Variants in ZMYM2 observed in about 807,000 individuals in gnomAD.
ZMYM2 encodes zinc finger MYM-type containing 2, also known as zinc finger MYM-type protein 2.
ZMYM2 carries 56 observed loss-of-function variants against 162.8 expected under a neutral mutation model. The ratio of observed to expected loss-of-function variants is 0.34; its 90% CI spans 0.28 to 0.43. ZMYM2 has a LOEUF of 0.43. ZMYM2 is among the 20% of genes least tolerant of loss of function. ZMYM2 has a pLI of 1.00. For synonymous variants in ZMYM2, 510 were observed against 541.6 expected, an observed-to-expected ratio of 0.94 and a Z score of 0.81; for missense variants, 1,275 against 1,621.8, an observed-to-expected ratio of 0.79 and a Z score of 3.67.
the ZMYM2 span, among the ~76,000 whole-genome samples, chr13:19,934,569 A>T: frequency 6.6e-6 from 1 of 151,954 alleles, no homozygotes. Context: ...ATCCCTTTAA[A>T]ATTTTTATCA....
chr13:19,979,907 G>A (rs1957160432), intron 2 of ZMYM2, among the ~76,000 whole-genome samples: 2 of 152,112 alleles, frequency 1.3e-5, no homozygotes, highest in South Asian at 4.1e-4. Context: ...CTCAATGGTT[G>A]CTTGGGTGGA....
the ZMYM2 span, among the ~76,000 whole-genome samples, chr13:19,874,736 G>T: frequency 0.012 from 1,841 of 151,718 alleles, 39 homozygotes; most frequent in African/African-American, 0.041. Flanking sequence ...ATTTTAGGGA[G>T]TAGGACCTGA....
At chr13:20,056,333 T>C (rs1029485242) in intron 14 of ZMYM2, among the ~76,000 whole-genome samples, 21 of 152,230 alleles carry the variant, frequency 1.4e-4, no homozygotes, top group African/African-American at 4.8e-4. Context: ...GGGTGAAAAC[T>C]TAGCCTTCAA....
At chr13:20,011,060 A>G (rs1951135691) in intron 6 of ZMYM2, among the ~76,000 whole-genome samples, 1 of 152,212 alleles carries the variant, frequency 6.6e-6, no homozygotes, top group South Asian at 2.1e-4. Flanking sequence ...CCATCACCCC[A>G]AAATTATTTT....
chr13:19,908,286 T>TCAAA, the ZMYM2 span, among the ~76,000 whole-genome samples: 17 of 151,982 alleles, frequency 1.1e-4, no homozygotes, highest in Non-Finnish European at 1.3e-4. Context: ...AGATTCTGTC[T>TCAAA]CAAACAAACA....
At chr13:19,910,428 A>C in the ZMYM2 span, among the ~76,000 whole-genome samples, 2 of 152,094 alleles carry the variant, frequency 1.3e-5, no homozygotes, top group Non-Finnish European at 2.9e-5. Flanking sequence ...AAGGGAAAGG[A>C]TTCAAAAGCT....
intron 3 of ZMYM2, among the ~76,000 whole-genome samples, chr13:19,995,213 A>G (rs1278729371): frequency 6.6e-6 from 1 of 152,016 alleles, no homozygotes; most frequent in Non-Finnish European, 1.5e-5. Context: ...CAAACATATC[A>G]TCCTTTTTTT....
At chr13:19,928,865 G>C in the ZMYM2 span, among the ~76,000 whole-genome samples, 1 of 151,642 alleles carries the variant, frequency 6.6e-6, no homozygotes, top group Admixed American at 6.6e-5. Flanking sequence ...GGTTGGTGTC[G>C]AACTCCTGAC....
At chr13:19,943,384 G>T in the ZMYM2 span, among the ~76,000 whole-genome samples, 1 of 152,080 alleles carries the variant, frequency 6.6e-6, no homozygotes, top group South Asian at 2.1e-4. Context: ...ATGTATTTTT[G>T]GGGGTGGGAC....
At chr13:19,923,911 T>C in the ZMYM2 span, among the ~76,000 whole-genome samples, 1 of 152,020 alleles carries the variant, frequency 6.6e-6, no homozygotes, top group Admixed American at 6.6e-5. Context: ...CCTCAGGTGA[T>C]CCACCCACCT....
At chr13:19,888,230 C>T in the ZMYM2 span, among the ~76,000 whole-genome samples, 1 of 151,410 alleles carries the variant, frequency 6.6e-6, no homozygotes, top group Non-Finnish European at 1.5e-5. Context: ...ACTCTGTTGC[C>T]CAAGCTGGAG....
intron 2 of ZMYM2, among the ~76,000 whole-genome samples, chr13:19,982,856 T>C (rs1266146939): frequency 6.6e-6 from 1 of 152,190 alleles, no homozygotes; most frequent in East Asian, 1.9e-4. Flanking sequence ...CATGCTTATC[T>C]GCCTTCCCTC....
the ZMYM2 span, among the ~76,000 whole-genome samples, chr13:19,872,222 A>G: frequency 6.6e-6 from 1 of 151,812 alleles, no homozygotes; most frequent in African/African-American, 2.4e-5. Flanking sequence ...AGTGATCCAC[A>G]GTGCCCATCC....
chr13:19,931,022 C>T, the ZMYM2 span, among the ~76,000 whole-genome samples: 2 of 151,276 alleles, frequency 1.3e-5, no homozygotes, highest in South Asian at 2.1e-4. Context: ...GCCTGTAGTC[C>T]TAGCTACTTG....
At position 19,995,933 on chromosome 13, in the gene ZMYM2, G is replaced by A. The variant is rs7990381; in HGVS notation, c.847+2014G>A. Among the ~76,000 whole-genome samples the A allele has an allele frequency of 6.3e-3, 958 of 152,284 alleles. 16 individuals carry two copies. The highest frequency in any genetic ancestry group is 0.022 in the African/African-American group (896 of 41,560). Reference sequence around the variant, plus strand: ...TTGAGCCCCATAGGCAGAGGTTGCAGTGAGCCAGGATTGCACCACTGTATT... The same window carrying A: ...TTGAGCCCCATAGGCAGAGGTTGCAATGAGCCAGGATTGCACCACTGTATT... On this transcript the variant is annotated intron_variant, in intron 3 of 24. Coordinates refer to ENST00000610343, the MANE Select transcript of ZMYM2 (RefSeq NM_197968.4).
rs780189271 is a variant in ZMYM2, at chr13:19,993,117, T to C, written c.45T>C (p.Thr15=). Residue 15 remains threonine, a synonymous_variant, in exon 3 of 25, where the codon ACT becomes ACC. Coordinates refer to ENST00000610343, the MANE Select transcript of ZMYM2 (RefSeq NM_197968.4). ...GAGGATTAGAATTGACTGATCAGAC[T>C]CCTGTTTTATTAGGGAGTACGGCCA... ...SVGGLELTDQ[T]PVLLGSTAMA... The C allele has an allele frequency of 6.2e-7, 1 of 1,613,958 alleles. No homozygotes were observed. The highest frequency in any genetic ancestry group is 1.1e-5 in the South Asian group (1 of 91,026).
rs773293850 is a variant in ZMYM2, at chr13:20,085,985, A to C, written c.4105A>C (p.Asn1369His). The C allele has an allele frequency of 2.5e-6, 4 of 1,613,482 alleles. No individual in the cohort carries two copies. The highest frequency in any genetic ancestry group is 3.4e-6 in the Non-Finnish European group (4 of 1,179,684). ...AGTAAAAGATATTTATGATAAAGACAATTATGAACTGGATGAAGACACAGA... is the reference window on the plus strand; with the variant it reads ...AGTAAAAGATATTTATGATAAAGACCATTATGAACTGGATGAAGACACAGA... ...LLVKDIYDKD[N>H]YELDEDTD is the part of the protein sequence containing the mutation. Residue 1369 changes from asparagine to histidine, a missense_variant, in exon 25 of 25, where the codon AAT becomes CAT. This residue lies in a region of ZMYM2 where 69 missense variants were observed against 78.4 expected (regional missense o/e 0.88). Transcript: ENST00000610343.
the ZMYM2 span, among the ~76,000 whole-genome samples, chr13:19,873,527 G>A: frequency 9.3e-4 from 141 of 152,124 alleles, 1 homozygote; most frequent in Non-Finnish European, 1.0e-3. Flanking sequence ...TCCTGCCTCA[G>A]CCTCCTGAAT....
chr13:20,082,316 A>G (rs966936652), intron 22 of ZMYM2, among the ~76,000 whole-genome samples, 186 bp downstream of exon 22: 18 of 152,200 alleles, frequency 1.2e-4, no homozygotes, highest in Non-Finnish European at 2.4e-4. Flanking sequence ...ACTAGTGTTT[A>G]TGAAGAACTT....
Sources: gnomAD v4.1 joint callset for allele counts (sites outside exome capture counted in the v4.1 genomes callset) on GRCh38, gnomAD v4.1.1 for gene constraint, gnomAD v4.1.1 regional missense constraint, MANE v1.5 for transcripts, NCBI Gene and HGNC (gene_info 2026-07-23, HGNC 2026-07-21) for gene names.